SPINK1: variants seen among roughly 807,000 people sequenced by gnomAD.
The protein encoded by SPINK1 is serine protease inhibitor Kazal-type 1.
Under a neutral mutation model 9.5 loss-of-function variants are expected in SPINK1, and 5 were observed. The observed-to-expected ratio is 0.52, with a 90% CI of 0.27 to 1.10. The LOEUF is 1.10. SPINK1 is among the 50% of genes least tolerant of loss of function. The probability of loss-of-function intolerance (pLI) is 0.11; values close to 1 mark genes in which losing one functional copy is unlikely to be tolerated. For missense variants in SPINK1, 88 were observed against 92.7 expected (o/e 0.95, Z 0.21); for synonymous variants, 37 against 32.3 (o/e 1.14, Z -0.49).
chr5:147,827,661 T>C (rs919064630), intron 3 of SPINK1: 1 of 177,140 alleles, frequency 5.6e-6, no homozygotes, highest in South Asian at 1.3e-4. Context: ...TATCCATAAG[T>C]AAAAATATAT....
Position 147,828,146 on chromosome 5 carries a change from C to A in SPINK1, c.88-18G>T. ...CATTTGGCCTAAAAATGGAATTAAA[C>A]AGAATCATTTCCCATTATTCTCCAT... On this transcript the variant is annotated intron_variant, in intron 2 of 3. Coordinates refer to ENST00000296695, the MANE Select transcript of SPINK1 (RefSeq NM_001379610.1). 1 of 1,578,694 alleles carries A rather than the reference C, an allele frequency of 6.3e-7. No homozygotes were observed. The highest frequency in any genetic ancestry group is 8.7e-7 in the Non-Finnish European group (1 of 1,149,934).
chr5:147,826,141 A>G (rs1756399962), intron 3 of SPINK1, among the ~76,000 whole-genome samples: 1 of 152,210 alleles, frequency 6.6e-6, no homozygotes, highest in African/African-American at 2.4e-5. Context: ...GAAGGAATAG[A>G]AAAAGTGTTT....
chr5:147,828,646 T>C (rs1039467105), intron 2 of SPINK1, among the ~76,000 whole-genome samples: 3 of 152,244 alleles, frequency 2.0e-5, no homozygotes, highest in Non-Finnish European at 2.9e-5. Context: ...ATGATTGTCA[T>C]TGTCCTAGAC....
At chr5:147,827,007 T>G (rs1756418388) in intron 3 of SPINK1, 1 of 152,202 alleles carries the variant, frequency 6.6e-6, no homozygotes. Flanking sequence ...TTCCACACCT[T>G]TATTTAACCT....
At chr5:147,833,579 G>A (rs984131324), upstream of SPINK1, among the ~76,000 whole-genome samples, 5 of 151,914 alleles carry the variant, frequency 3.3e-5, no homozygotes, top group African/African-American at 1.2e-4. Context: ...TCTCTTCTTG[G>A]ATTCATGTTC....
the SPINK1 span, among the ~76,000 whole-genome samples, chr5:147,837,677 C>CTTTCTTTG: frequency 1.4e-5 from 2 of 144,188 alleles, no homozygotes; most frequent in Non-Finnish European, 3.0e-5. Flanking sequence ...TTCTTTCTTT[C>CTTTCTTTG]TTTCTTTCTT....
Position 147,828,022 on chromosome 5 carries a change from C to A in SPINK1, c.194G>T (p.Arg65Leu), listed in dbSNP as rs141634296. 1 of 1,609,778 alleles carries A rather than the reference C, an allele frequency of 6.2e-7. No individual in the cohort carries two copies. The highest frequency in any genetic ancestry group is 8.5e-7 in the Non-Finnish European group (1 of 1,177,442). Residue 65 changes from arginine to leucine, a missense_variant and splice_region_variant, in exon 3 of 4, where the codon CGG (arginine) becomes CTG (leucine). Physicochemically the swap from Arg to Leu is moderately radical, Grantham distance 102. Transcript: ENST00000296695. ...PNECVLCFENRKRQTSILIQK... is the reference protein window; with the variant it reads ...PNECVLCFENLKRQTSILIQK... ...AAAAGAAACTCAAGTTTGTACTCAC[C>A]GATTTTCAAAACATAACACGCATTC...
chr5:147,830,604 G>A (rs1356607582), intron 1 of SPINK1, among the ~76,000 whole-genome samples: 1 of 152,082 alleles, frequency 6.6e-6, no homozygotes, highest in Non-Finnish European at 1.5e-5. Context: ...TGAAGAGCAG[G>A]TGCTCATCAC....
At chr5:147,833,850 T>TCACCAAACAGTG (rs1756550388), upstream of SPINK1, among the ~76,000 whole-genome samples, 1 of 152,180 alleles carries the variant, frequency 6.6e-6, no homozygotes, top group Non-Finnish European at 1.5e-5. Context: ...CTCCTTTCTA[T>TCACCAAACAGTG]CTTTATTCCC....
At chr5:147,834,237 TA>T (rs1341065302), upstream of SPINK1, among the ~76,000 whole-genome samples, 3 of 152,160 alleles carry the variant, frequency 2.0e-5, no homozygotes, top group Non-Finnish European at 4.4e-5. Context: ...AAATATTTGC[TA>T]AAAACATAAA....
At chr5:147,829,569 A>C (rs374186065) in intron 2 of SPINK1, 30 bp downstream of exon 2, 22 of 1,608,188 alleles carry the variant, frequency 1.4e-5, no homozygotes, top group African/African-American at 2.7e-5. Context: ...TTCCAGTCTG[A>C]GAAATAAGAA....
chr5:147,833,857 T>A (rs1224953662), upstream of SPINK1, among the ~76,000 whole-genome samples: 1 of 152,170 alleles, frequency 6.6e-6, no homozygotes, highest in East Asian at 1.9e-4. Context: ...CTATCTTTAT[T>A]CCCCAAGAGA....
At chr5:147,835,724 T>C (rs1395056498), upstream of SPINK1, among the ~76,000 whole-genome samples, 1 of 152,134 alleles carries the variant, frequency 6.6e-6, no homozygotes, top group Non-Finnish European at 1.5e-5. Context: ...CTGGCACCTG[T>C]TGATTTTCAC....
At chr5:147,832,748 C>A (rs1232346762), upstream of SPINK1, among the ~76,000 whole-genome samples, 2 of 152,102 alleles carry the variant, frequency 1.3e-5, no homozygotes, top group Non-Finnish European at 2.9e-5. Flanking sequence ...TTTCTCTGAG[C>A]CAGGAGTCTG....
At chr5:147,827,980 C>A in intron 3 of SPINK1, 42 bp downstream of exon 3, 1 of 1,466,696 alleles carries the variant, frequency 6.8e-7, no homozygotes, top group Non-Finnish European at 9.4e-7. Context: ...AGATAACTAA[C>A]TTAAAATATA....
chr5:147,831,439 A>T (rs1299593979), intron 1 of SPINK1, 84 bp downstream of exon 1: 1 of 1,546,378 alleles, frequency 6.5e-7, no homozygotes, highest in Non-Finnish European at 8.9e-7. Context: ...ACTAGACTAC[A>T]TCAAAAGTCT....
upstream of SPINK1, among the ~76,000 whole-genome samples, chr5:147,833,842 C>T (rs952788126): frequency 1.3e-5 from 2 of 152,136 alleles, no homozygotes; most frequent in African/African-American, 4.8e-5. Context: ...TGACTTGGCT[C>T]CTTTCTATCT....
chr5:147,836,296 T>TTGTGTGTGTGTGTGTG (rs58122057), upstream of SPINK1, among the ~76,000 whole-genome samples: 50 of 146,444 alleles, frequency 3.4e-4, no homozygotes, highest in African/African-American at 1.2e-3. Flanking sequence ...ATTTACTGAT[T>TTGTGTGTGTGTGTGTG]TGTGTGTGTG....
At chr5:147,824,822 A>G in intron 3 of SPINK1, 116 bp from the exon 4 acceptor site, 5 of 888,254 alleles carry the variant, frequency 5.6e-6, no homozygotes, top group Non-Finnish European at 9.0e-6. Context: ...GAGGTTTGAG[A>G]TTTATAATCT....
Sources: gnomAD v4.1 joint callset for allele counts (sites outside exome capture counted in the v4.1 genomes callset) on GRCh38, gnomAD v4.1.1 for gene constraint, MANE v1.5 for transcripts, NCBI Gene and HGNC (gene_info 2026-07-23, HGNC 2026-07-21) for gene names.